The following DUSP22 variants were observed in gnomAD, a reference collection of about 807,000 sequenced individuals.
DUSP22 encodes the protein dual specificity protein phosphatase 22.
A neutral mutation model predicts 24.5 loss-of-function variants in DUSP22; 24 were observed. The observed-to-expected ratio is 0.98, with a 90% CI of 0.71 to 1.38. The LOEUF (loss-of-function observed/expected upper bound fraction) is 1.38. Ranked by LOEUF, DUSP22 falls within the 40% of genes most tolerant of loss-of-function variation. The pLI, the probability that DUSP22 is intolerant of heterozygous loss-of-function variation, is 0.00. For missense variants in DUSP22, 330 were observed against 269.2 expected (o/e 1.23, Z -1.58); for synonymous variants, 160 against 106.4 (o/e 1.50, Z -3.10).
intron 4 of DUSP22, among the ~76,000 whole-genome samples, chr6:344,157 C>A (rs112911978): frequency 6.6e-6 from 1 of 151,374 alleles, no homozygotes; most frequent in Admixed American, 6.6e-5. Flanking sequence ...GGCACAAGGC[C>A]GTGCAACCAG....
At chr6:299,760 C>T (rs1213860802) in intron 1 of DUSP22, among the ~76,000 whole-genome samples, 2 of 152,308 alleles carry the variant, frequency 1.3e-5, no homozygotes, top group African/African-American at 2.4e-5. Context: ...TCCTTGCCAG[C>T]ACGCTGCTGC....
chr6:343,170 T>C (rs1386391116), intron 4 of DUSP22, among the ~76,000 whole-genome samples: 11 of 152,308 alleles, frequency 7.2e-5, no homozygotes, highest in African/African-American at 2.4e-4. Context: ...AGCCACCTTA[T>C]TACATCTGGG....
chr6:347,345 C>T (rs1472596605), intron 5 of DUSP22, among the ~76,000 whole-genome samples: 1 of 152,306 alleles, frequency 6.6e-6, no homozygotes, highest in Admixed American at 6.5e-5. Context: ...GTTCTGTGCA[C>T]CTAAAGATAG....
chr6:320,873 C>T (rs1044486407), intron 3 of DUSP22, among the ~76,000 whole-genome samples: 16 of 152,416 alleles, frequency 1.0e-4, no homozygotes, highest in South Asian at 2.1e-4. Flanking sequence ...AGTTGTTACT[C>T]CTCCAGACTC....
chr6:294,357 A>AG (rs375494121), intron 1 of DUSP22, among the ~76,000 whole-genome samples: 50 of 39,986 alleles, frequency 1.3e-3, no homozygotes, highest in African/African-American at 2.3e-3. Context: ...GTGGGTGGGG[A>AG]GGGGGCAAAG....
chr6:303,358 C>T (rs1757671165), intron 1 of DUSP22, among the ~76,000 whole-genome samples: 1 of 152,306 alleles, frequency 6.6e-6, no homozygotes, highest in Non-Finnish European at 1.5e-5. Context: ...GGCCCCTTGG[C>T]TGGTTGTCCC....
chr6:348,265 G>T lies in DUSP22; in HGVS notation c.426G>T (p.Glu142Asp), dbSNP rs754658385. ...AGCTCCAGGAGTTTGAGAAGCATGA[G>T]GTCCATCAGGTAAGCAGTTCTTAGG... ...QRQLQEFEKH[E>D]VHQYRQWLKE... is the part of the protein sequence containing the mutation. The change falls in exon 6 of 7, where the codon GAG (glutamate) becomes GAT (aspartate). Residue 142 changes from glutamate to aspartate, a missense_variant. Coordinates refer to ENST00000419235, the MANE Select transcript of DUSP22 (RefSeq NM_001286555.3). 2.3e-5 allele frequency: 37 copies of T among 1,614,158 alleles called. No homozygotes were observed. Among genetic ancestry groups the T allele is most frequent in the Non-Finnish European group, 3.1e-5 (37 of 1,180,050 alleles).
rs1466955941 is a variant in DUSP22, at chr6:350,957, G to A, written c.*2006G>A. 6.5e-7 allele frequency: 1 copy of A among 1,549,124 alleles called. No homozygotes were observed. Among genetic ancestry groups the A allele is most frequent in the Non-Finnish European group, 8.9e-7 (1 of 1,126,706 alleles). On this transcript the variant is annotated 3_prime_UTR_variant, in exon 7 of 7. Coordinates refer to ENST00000419235, the MANE Select transcript of DUSP22 (RefSeq NM_001286555.3). ...AAGCAACATAGAGTTTAAGTATCCA[G>A]TAGTGATTTGTAAACTTGTTTTTCA...
intron 3 of DUSP22, among the ~76,000 whole-genome samples, chr6:329,479 G>A (rs1161741235): frequency 6.6e-6 from 1 of 152,270 alleles, no homozygotes; most frequent in African/African-American, 2.4e-5. Context: ...TTTTGAGACA[G>A]AGTCTCGCTA....
intron 5 of DUSP22, among the ~76,000 whole-genome samples, chr6:346,828 C>A (rs1013490807): frequency 1.4e-3 from 218 of 152,298 alleles, no homozygotes; most frequent in Non-Finnish European, 2.1e-3. Flanking sequence ...TGGTGGCAGC[C>A]CTGCCAGGAC....
intron 2 of DUSP22, among the ~76,000 whole-genome samples, chr6:305,888 T>A (rs902316132): frequency 6.6e-6 from 1 of 152,310 alleles, no homozygotes; most frequent in Non-Finnish European, 1.5e-5. Context: ...TGGATGTTGC[T>A]GAAATTTCTG....
At chr6:318,424 A>C (rs1758429923) in intron 3 of DUSP22, among the ~76,000 whole-genome samples, 2 of 152,308 alleles carry the variant, frequency 1.3e-5, no homozygotes, top group Admixed American at 6.5e-5. Flanking sequence ...GTAAAGGGAG[A>C]GCCTCATTGC....
intron 3 of DUSP22, among the ~76,000 whole-genome samples, chr6:315,652 CTT>C (rs1418375800): frequency 1.3e-5 from 2 of 152,308 alleles, no homozygotes; most frequent in African/African-American, 4.8e-5. Flanking sequence ...GAGCTTTGCT[CTT>C]CTTTCCTTTT....
chr6:341,141 G>C (rs1393572714), intron 4 of DUSP22, among the ~76,000 whole-genome samples: 1 of 152,298 alleles, frequency 6.6e-6, no homozygotes, highest in South Asian at 2.1e-4. Flanking sequence ...GAGCGGGCAT[G>C]ATAGCCCCGG....
Position 349,319 on chromosome 6 carries a change from T to C in DUSP22, c.*368T>C. 1 of 1,107,762 alleles carries C rather than the reference T, an allele frequency of 9.0e-7. No homozygotes were observed. The highest frequency in any genetic ancestry group is 1.1e-6 in the Non-Finnish European group (1 of 905,206). 68.6% of individuals were successfully genotyped at this position (1,107,762 alleles called of 1,614,324 possible). ...TACATGTGTGTATGTTGTGAAAGTG[T>C]CTGTGCACATGAATGTTTGTGTGTG... On this transcript the variant is annotated 3_prime_UTR_variant, in exon 7 of 7. Transcript: ENST00000419235.
At chr6:294,800 A>C (rs1757250571) in intron 1 of DUSP22, among the ~76,000 whole-genome samples, 1 of 152,290 alleles carries the variant, frequency 6.6e-6, no homozygotes, top group Non-Finnish European at 1.5e-5. Context: ...GAGAGAGAAC[A>C]AACACAAGGT....
At chr6:324,399 C>T (rs1011470585) in intron 3 of DUSP22, among the ~76,000 whole-genome samples, 7 of 152,306 alleles carry the variant, frequency 4.6e-5, no homozygotes, top group South Asian at 4.1e-4. Context: ...CACCTGCTGC[C>T]GCGAACCTCA....
intron 3 of DUSP22, among the ~76,000 whole-genome samples, chr6:318,042 G>A (rs1758414507): frequency 6.6e-6 from 1 of 152,304 alleles, no homozygotes; most frequent in African/African-American, 2.4e-5. Flanking sequence ...GGCAGTCTGT[G>A]TAGTTCCTCA....
chr6:345,478 G>A (rs191346254), intron 4 of DUSP22, among the ~76,000 whole-genome samples: 4 of 152,298 alleles, frequency 2.6e-5, no homozygotes, highest in Non-Finnish European at 4.4e-5. Context: ...CCAAATTGCT[G>A]GGATTACAGG....
Sources: allele counts gnomAD v4.1 joint callset (sites outside exome capture counted in the v4.1 genomes callset), GRCh38; gene constraint gnomAD v4.1.1; transcripts MANE v1.5; gene names NCBI Gene and HGNC (gene_info 2026-07-23, HGNC 2026-07-21).